ODF2L: variants seen among roughly 807,000 people sequenced by gnomAD.
ODF2L encodes the protein outer dense fiber of sperm tails 2 like, also known as protein BCAP.
Under a neutral mutation model 86.3 loss-of-function variants are expected in ODF2L, and 76 were observed. That is an observed-to-expected ratio of 0.88 (90% confidence interval 0.73 to 1.07). The LOEUF is 1.07. Ranked by LOEUF, ODF2L falls within the 50% of genes least tolerant of loss-of-function variation. The pLI is 0.00. For synonymous variants in ODF2L, 241 were observed against 231.3 expected (o/e 1.04, Z -0.38); for missense variants, 748 against 717.4 (o/e 1.04, Z -0.49).
At chr1:86,393,562 C>T (rs1466120952) in intron 1 of ODF2L, among the ~76,000 whole-genome samples, 2 of 152,166 alleles carry the variant, frequency 1.3e-5, no homozygotes, top group Non-Finnish European at 2.9e-5. Flanking sequence ...AAAAGATGGG[C>T]TGCAGACTGG....
chr1:86,370,643 G>A (rs1422349828), intron 10 of ODF2L, among the ~76,000 whole-genome samples: 1 of 152,048 alleles, frequency 6.6e-6, no homozygotes, highest in African/African-American at 2.4e-5. Flanking sequence ...TTGGATATGA[G>A]TAAGTTGGAA....
intron 7 of ODF2L, among the ~76,000 whole-genome samples, chr1:86,380,488 T>C (rs900736813): frequency 6.6e-5 from 10 of 152,178 alleles, no homozygotes; most frequent in Admixed American, 2.6e-4. Context: ...CCATGAATAG[T>C]TGCTTTCTTA....
intron 11 of ODF2L, among the ~76,000 whole-genome samples, chr1:86,365,495 G>A (rs754517646): frequency 6.6e-6 from 1 of 152,086 alleles, no homozygotes; most frequent in Non-Finnish European, 1.5e-5. Context: ...AATTAATATA[G>A]AGAGAATAAA....
chr1:86,366,521 G>C (rs1017949642), intron 11 of ODF2L, among the ~76,000 whole-genome samples: 10 of 150,592 alleles, frequency 6.6e-5, no homozygotes, highest in African/African-American at 2.2e-4. Context: ...GCGGGAGATT[G>C]CTTGAGCCTG....
exon 18 of ODF2L, chr1:86,351,994 A>G: frequency 7.7e-7 from 1 of 1,291,224 alleles, no homozygotes; most frequent in Non-Finnish European, 9.9e-7. Context: ...AGAAAGTCAA[A>G]TGGTGAGTTA....
intron 11 of ODF2L, among the ~76,000 whole-genome samples, chr1:86,366,603 C>A (rs1480541129): frequency 4.1e-5 from 2 of 48,944 alleles, no homozygotes. Flanking sequence ...AAGACTCTGT[C>A]TCAAAAAAAA....
chr1:86,385,386 T>G, intron 3 of ODF2L, 72 bp downstream of exon 3: 25 of 896,590 alleles, frequency 2.8e-5, no homozygotes, highest in Non-Finnish European at 4.0e-5. Flanking sequence ...ATATAAGATA[T>G]GAGACCTCAG....
rs568446389 is a variant in ODF2L at position 86,377,840 on chromosome 1, G to A, written c.625-1422C>T. Among the ~76,000 whole-genome samples the A allele has an allele frequency of 3.9e-5, 6 of 152,318 alleles. No individual in the cohort carries two copies. The South Asian group carries it at 1.2e-3, about 32-fold the overall frequency. On this transcript the variant is annotated intron_variant, in intron 7 of 17. Coordinates refer to ENST00000317336, the Ensembl canonical transcript of ODF2L. ...AGGCCTCTGGGCCAGTGATGGGAGGGACTGCCATGAAGACCTCTGACATAC... is the reference window on the plus strand; with the variant it reads ...AGGCCTCTGGGCCAGTGATGGGAGGAACTGCCATGAAGACCTCTGACATAC...
Position 86,363,662 on chromosome 1 carries a change from G to A in ODF2L, c.1144-3126C>T, listed in dbSNP as rs980586205. ...AAACTGGAAGTAGCTATTGGAAGTAGTGTATATATTACATATAAAATAAAA... is the reference window on the plus strand; with the variant it reads ...AAACTGGAAGTAGCTATTGGAAGTAATGTATATATTACATATAAAATAAAA... On this transcript the variant is annotated intron_variant, in intron 11 of 17. Transcript: ENST00000317336. Among the ~76,000 whole-genome samples, 3 of 151,832 alleles carry A rather than the reference G, an allele frequency of 2.0e-5. No individual in the cohort carries two copies. The East Asian group carries it at 5.8e-4, about 29-fold the overall frequency.
chr1:86,368,385 TTAATA>T (rs1659585643), intron 11 of ODF2L, among the ~76,000 whole-genome samples: 1 of 152,128 alleles, frequency 6.6e-6, no homozygotes, highest in South Asian at 2.1e-4. Flanking sequence ...AATTAGAAGG[TTAATA>T]TAATTGACTA....
chr1:86,391,443 C>G (rs1427487392), intron 1 of ODF2L, among the ~76,000 whole-genome samples: 3 of 152,144 alleles, frequency 2.0e-5, no homozygotes, highest in Non-Finnish European at 4.4e-5. Flanking sequence ...AGGCCACAGT[C>G]ACCAAAACAG....
exon 8 of ODF2L, chr1:86,376,378 CTTGATTGCAGGT>C (rs769468918): frequency 1.2e-6 from 2 of 1,605,778 alleles, no homozygotes; most frequent in Non-Finnish European, 1.7e-6. Context: ...CTTATTCATT[CTTGATTGCAGGT>C]TCCACTTGGC....
At chr1:86,395,822 G>A (rs1248631383) in intron 1 of ODF2L, 1 of 152,300 alleles carries the variant, frequency 6.6e-6, no homozygotes, top group Non-Finnish European at 1.5e-5. Flanking sequence ...CCCTTCCTAA[G>A]AGTGAGTCTC....
At chr1:86,383,278 C>T (rs1330814851) in intron 4 of ODF2L, 82 bp from the exon 5 acceptor site, 3 of 598,426 alleles carry the variant, frequency 5.0e-6, no homozygotes, top group Non-Finnish European at 8.6e-6. Flanking sequence ...AAGCACTACT[C>T]AATAAATTAA....
At chr1:86,372,288 A>C (rs1038773561) in intron 9 of ODF2L, 143 bp downstream of exon 9, 6 of 374,916 alleles carry the variant, frequency 1.6e-5, no homozygotes, top group Non-Finnish European at 1.9e-5. Flanking sequence ...TTATTGAATT[A>C]TAAATAGCAA....
Position 86,385,446 on chromosome 1 carries a change from TA to T in ODF2L, c.246+11del. 6.6e-7 allele frequency: 1 copy of T among 1,522,752 alleles called. No homozygotes were observed. Among genetic ancestry groups the T allele is most frequent in the African/African-American group, 1.4e-5 (1 of 72,820 alleles). 94.3% of individuals were successfully genotyped at this position (1,522,752 alleles called of 1,614,324 possible). A position where few individuals can be genotyped will look rare whatever the true frequency, so the allele number is the denominator to read the frequency against. ...AGCTTTTCATTTTATTATATATTCA[TA>T]AGTCACTCACATTTTCAAAATTAAT... is the stretch of plus-strand genomic sequence containing the variant. On this transcript the variant is annotated intron_variant, in intron 3 of 17. Coordinates refer to ENST00000317336, the Ensembl canonical transcript of ODF2L.
chr1:86,361,113 T>C (rs1486317812), intron 11 of ODF2L, among the ~76,000 whole-genome samples: 1 of 152,202 alleles, frequency 6.6e-6, no homozygotes, highest in East Asian at 1.9e-4. Flanking sequence ...TATGTAGAAA[T>C]GTAAAAGTCT....
In ODF2L at chr1:86,367,845, C is replaced by T. The variant is rs1382925527; in HGVS notation, c.1143+791G>A. On this transcript the variant is annotated intron_variant, in intron 11 of 17. Coordinates refer to ENST00000317336, the Ensembl canonical transcript of ODF2L. The stretch of plus-strand genomic sequence containing the variant: ...GAACAGACAAAGAACAGAAAATATC[C>T]TTATTTTCCAAATAAAAGGTGAAGA... 9.2e-5 allele frequency among the ~76,000 whole-genome samples: 14 copies of T among 152,140 alleles called. No homozygotes were observed. The East Asian group carries it at 2.5e-3, about 27-fold the overall frequency.
chr1:86,389,929 T>C (rs773009720), intron 1 of ODF2L, among the ~76,000 whole-genome samples: 78 of 152,244 alleles, frequency 5.1e-4, no homozygotes, highest in Non-Finnish European at 8.5e-4. Context: ...CAGGACCAGA[T>C]AGATCCACAG....
Sources: gnomAD v4.1 joint callset for allele counts (sites outside exome capture counted in the v4.1 genomes callset) on GRCh38, gnomAD v4.1.1 for gene constraint, MANE v1.5 for transcripts, NCBI Gene and HGNC (gene_info 2026-07-23, HGNC 2026-07-21) for gene names.